ADAM2: variants seen among roughly 807,000 people sequenced by gnomAD.
The protein encoded by ADAM2 is ADAM metallopeptidase domain 2, also known as disintegrin and metalloproteinase domain-containing protein 2.
In ADAM2, 101 loss-of-function variants were observed where a neutral mutation model predicts 99.3. The observed-to-expected ratio is 1.02, with a 90% CI of 0.87 to 1.20. The LOEUF is 1.20. Ranked by LOEUF, ADAM2 falls within the 50% of genes most tolerant of loss-of-function variation. The pLI is 0.00. For synonymous variants in ADAM2, 323 were observed against 287.6 expected, an observed-to-expected ratio of 1.12 and a Z score of -1.25; for missense variants, 948 against 878.7, an observed-to-expected ratio of 1.08 and a Z score of -1.00.
intron 10 of ADAM2, among the ~76,000 whole-genome samples, chr8:39,784,043 A>C (rs1450210609): frequency 6.6e-6 from 1 of 152,176 alleles, no homozygotes; most frequent in African/African-American, 2.4e-5. Flanking sequence ...TTCACATATA[A>C]ACTTTTAGGA....
chr8:39,801,049 GC>G (rs1343413443), intron 7 of ADAM2, among the ~76,000 whole-genome samples: 1 of 152,120 alleles, frequency 6.6e-6, no homozygotes, highest in Non-Finnish European at 1.5e-5. Flanking sequence ...CCAGTTCTGT[GC>G]CCTTGATGGA....
chr8:39,788,401 T>C, intron 8 of ADAM2, 150 bp from the exon 9 acceptor site: 1 of 562,758 alleles, frequency 1.8e-6, no homozygotes, highest in Admixed American at 3.9e-5. Flanking sequence ...AAGTTTAAAA[T>C]GTTACTAATA....
chr8:39,799,139 A>C (rs1227889844), intron 7 of ADAM2, among the ~76,000 whole-genome samples: 1 of 151,908 alleles, frequency 6.6e-6, no homozygotes, highest in Non-Finnish European at 1.5e-5. Context: ...GTTAGACTCA[A>C]TTTGAGATCT....
intron 3 of ADAM2, among the ~76,000 whole-genome samples, chr8:39,833,229 C>T (rs983583235): frequency 6.6e-6 from 1 of 151,992 alleles, no homozygotes. Context: ...TTTCTTCAAA[C>T]TAGTACCGTC....
chr8:39,813,035 A>G (rs1804769782), intron 6 of ADAM2, among the ~76,000 whole-genome samples: 1 of 152,236 alleles, frequency 6.6e-6, no homozygotes, highest in Non-Finnish European at 1.5e-5. Context: ...CAAAGGGTTA[A>G]TATCCAGAAT....
At chr8:39,789,419 G>GT (rs1200867590) in intron 7 of ADAM2, among the ~76,000 whole-genome samples, 1 of 151,702 alleles carries the variant, frequency 6.6e-6, no homozygotes, top group African/African-American at 2.4e-5. Flanking sequence ...GCAAATATGC[G>GT]TTTTTTAAGT....
chr8:39,796,137 T>C lies in ADAM2; in HGVS notation c.571-7397A>G, dbSNP rs920493937. 4.6e-5 allele frequency among the ~76,000 whole-genome samples: 7 copies of C among 152,020 alleles called. 1 individual carries two copies. Among genetic ancestry groups the C allele is most frequent in the African/African-American group, 1.4e-4 (6 of 41,396 alleles). On this transcript the variant is annotated intron_variant, in intron 7 of 20. Transcript: ENST00000265708. ...TGCAGGTTTATTACATAGGTATATG[T>C]GTGCCATGGTGGTTTCCTACACCTA... is the stretch of plus-strand genomic sequence containing the variant.
chr8:39,755,837 ATAAT>A lies in ADAM2; in HGVS notation c.1684_1687del (p.Ile562PhefsTer5). ...GAGATGTCCACTTATGTTGGCATAAATAATAGTGGCTCTTGGAATTTGTAATAAA... is the reference window on the plus strand; with the variant it reads ...GAGATGTCCACTTATGTTGGCATAAAAGTGGCTCTTGGAATTTGTAATAAA... On this transcript the variant is annotated frameshift_variant, in exon 16 of 21. Coordinates refer to ENST00000265708, the MANE Select transcript of ADAM2 (RefSeq NM_001464.5). LOFTEE classifies it high-confidence loss of function. 1 of 1,606,960 alleles carries A rather than the reference ATAAT, an allele frequency of 6.2e-7. No homozygotes were observed. Among genetic ancestry groups the A allele is most frequent in the South Asian group, 1.1e-5 (1 of 90,756 alleles).
rs910528477 is a variant in ADAM2 at position 39,746,711 on chromosome 8, C to G, written c.2015-80G>C. 5.5e-6 allele frequency: 6 copies of G among 1,094,298 alleles called. No homozygotes were observed. In the Admixed American group the frequency reaches 1.1e-4, roughly 19 times the overall value. 67.8% of individuals were successfully genotyped at this position (1,094,298 alleles called of 1,614,324 possible). A position where few individuals can be genotyped will look rare whatever the true frequency, so the allele number is the denominator to read the frequency against. On this transcript the variant is annotated intron_variant, in intron 18 of 20. Transcript: ENST00000265708. ...ATATTTCTGTATTTTACTACGTCTA[C>G]CAAAATAAAATCTTTGAACAATTTA...
chr8:39,778,850 C>T (rs557557959), intron 10 of ADAM2, among the ~76,000 whole-genome samples: 5 of 151,914 alleles, frequency 3.3e-5, no homozygotes, highest in African/African-American at 1.2e-4. Flanking sequence ...TATTTTAAAC[C>T]CCCTATTTTT....
In ADAM2 at chr8:39,834,014, C is replaced by A; in HGVS notation, c.133-15G>T. The A allele has an allele frequency of 6.6e-7, 1 of 1,504,444 alleles. No homozygotes were observed. The highest frequency in any genetic ancestry group is 1.2e-5 in the South Asian group (1 of 85,936). The allele number at this position is 1,504,444 out of a possible 1,614,324, so 93.2% of individuals were successfully genotyped here. ...TTGTAGGATGCCTGGCAGGAGAGCA[C>A]AGTAAAAATACAAAGAAAATGAAAA... On this transcript the variant is annotated splice_polypyrimidine_tract_variant and intron_variant, in intron 2 of 20. Coordinates refer to ENST00000265708, the MANE Select transcript of ADAM2 (RefSeq NM_001464.5).
chr8:39,786,921 G>A, intron 10 of ADAM2, 53 bp downstream of exon 10: 1 of 1,280,558 alleles, frequency 7.8e-7, no homozygotes. Flanking sequence ...ATGAAAATGT[G>A]TAACTGTATA....
chr8:39,781,165 G>A (rs1441343898), intron 10 of ADAM2, among the ~76,000 whole-genome samples: 1 of 151,970 alleles, frequency 6.6e-6, no homozygotes, highest in African/African-American at 2.4e-5. Flanking sequence ...GTGTTTATAT[G>A]TTTATGTGTA....
chr8:39,749,232 A>C (rs1326697788), intron 18 of ADAM2, 80 bp downstream of exon 18: 1 of 1,295,778 alleles, frequency 7.7e-7, no homozygotes, highest in Non-Finnish European at 1.1e-6. Flanking sequence ...ATAAATTGGT[A>C]GACAAAATAT....
chr8:39,785,511 C>T (rs1803429573), intron 10 of ADAM2, among the ~76,000 whole-genome samples: 1 of 152,182 alleles, frequency 6.6e-6, no homozygotes, highest in African/African-American at 2.4e-5. Flanking sequence ...AACCCTATTA[C>T]TGGGTATATA....
chr8:39,788,334 A>G lies in ADAM2; in HGVS notation c.643-83T>C, dbSNP rs376114096. On this transcript the variant is annotated intron_variant, in intron 8 of 20. Coordinates refer to ENST00000265708, the MANE Select transcript of ADAM2 (RefSeq NM_001464.5). ...ATATATGTTTGAAAACAAATTTATG[A>G]TAAATATTAAACAACTAAACTATAA... The G allele has an allele frequency of 3.5e-5, 30 of 866,088 alleles. 1 individual carries two copies. The East Asian group carries it at 8.7e-4, about 25-fold the overall frequency. The allele number at this position is 866,088 out of a possible 1,614,324, so 53.7% of individuals were successfully genotyped here.
At chr8:39,790,527 G>A (rs572699993) in intron 7 of ADAM2, among the ~76,000 whole-genome samples, 2 of 152,076 alleles carry the variant, frequency 1.3e-5, no homozygotes, top group African/African-American at 4.8e-5. Flanking sequence ...GTACAGGAAA[G>A]TAAGGGCAGA....
chr8:39,797,638 C>T (rs111710208), intron 7 of ADAM2, among the ~76,000 whole-genome samples: 27,413 of 152,034 alleles, frequency 0.18, 2,773 homozygotes, highest in East Asian at 0.29. Context: ...TTACTTTGGG[C>T]AGTATGGCCA....
intron 16 of ADAM2, among the ~76,000 whole-genome samples, chr8:39,754,621 T>G (rs1213081158): frequency 1.3e-5 from 2 of 152,118 alleles, no homozygotes; most frequent in African/African-American, 2.4e-5. Flanking sequence ...GAATGACAGT[T>G]TTTTTATTTG....
Sources: allele counts gnomAD v4.1 joint callset (sites outside exome capture counted in the v4.1 genomes callset), GRCh38; gene constraint gnomAD v4.1.1; transcripts MANE v1.5; gene names NCBI Gene and HGNC (gene_info 2026-07-23, HGNC 2026-07-21).